Variants in BMAL1 observed in about 807,000 individuals in gnomAD.
BMAL1 encodes basic helix-loop-helix ARNT-like protein 1.
chr11:13,380,221 A>G, the BMAL1 span: 1 of 152,226 alleles, frequency 6.6e-6, no homozygotes, highest in East Asian at 1.9e-4. Flanking sequence ...CTGAGAATAC[A>G]TGATATGTAG....
chr11:13,356,974 C>G, the BMAL1 span: 4 of 1,603,448 alleles, frequency 2.5e-6, no homozygotes, highest in African/African-American at 5.4e-5. Flanking sequence ...CAGGATCAGG[C>G]AGAAGAAAAC....
At chr11:13,279,096 C>CCT in the BMAL1 span, among the ~76,000 whole-genome samples, 1 of 152,222 alleles carries the variant, frequency 6.6e-6, no homozygotes, top group Non-Finnish European at 1.5e-5. Context: ...ACCCCTCTCC[C>CCT]CTCTCCGCCT....
At chr11:13,316,590 C>T in the BMAL1 span, among the ~76,000 whole-genome samples, 1 of 152,174 alleles carries the variant, frequency 6.6e-6, no homozygotes. Flanking sequence ...GAAAACCCTA[C>T]CTAGATTCCA....
the BMAL1 span, among the ~76,000 whole-genome samples, chr11:13,343,914 C>G: frequency 6.6e-6 from 1 of 152,158 alleles, no homozygotes; most frequent in African/African-American, 2.4e-5. Context: ...CTCAACTGAT[C>G]AAGCCCCATA....
chr11:13,297,665 A>C, the BMAL1 span, among the ~76,000 whole-genome samples: 1 of 152,176 alleles, frequency 6.6e-6, no homozygotes, highest in South Asian at 2.1e-4. Context: ...CCCTTTCCCA[A>C]GTGTGCTAGG....
chr11:13,338,815 A>G, the BMAL1 span, among the ~76,000 whole-genome samples: 1 of 152,340 alleles, frequency 6.6e-6, no homozygotes, highest in East Asian at 1.9e-4. Context: ...CGAGGACCAA[A>G]GGAGACACGT....
chr11:13,375,770 C>A, the BMAL1 span: 2 of 1,547,042 alleles, frequency 1.3e-6, no homozygotes, highest in East Asian at 2.4e-5. Context: ...TTTGTAAGTA[C>A]TTTTCCTATA....
At chr11:13,357,180 CCTGT>C in the BMAL1 span, 13 of 1,577,400 alleles carry the variant, frequency 8.2e-6, no homozygotes, top group African/African-American at 1.4e-5. The surrounding 1 kb of genome is among the most constrained non-coding windows in gnomAD (Gnocchi z 4.8). Context: ...CATGTTTGGT[CCTGT>C]CTAAGAGTTC....
the BMAL1 span, among the ~76,000 whole-genome samples, chr11:13,303,186 G>A: frequency 1.3e-5 from 2 of 152,204 alleles, no homozygotes; most frequent in East Asian, 3.9e-4. Flanking sequence ...ACATGGCAGA[G>A]CTGGGCTTAA....
the BMAL1 span, among the ~76,000 whole-genome samples, chr11:13,337,126 T>C: frequency 6.6e-6 from 1 of 152,246 alleles, no homozygotes; most frequent in Non-Finnish European, 1.5e-5. Flanking sequence ...TTGGTTTGTT[T>C]CCTTTCAGTC....
chr11:13,369,849 C>T, the BMAL1 span: 1 of 1,533,630 alleles, frequency 6.5e-7, no homozygotes, highest in Non-Finnish European at 8.8e-7. Context: ...GGCGTTGGTT[C>T]CATGGTTTCT....
the BMAL1 span, among the ~76,000 whole-genome samples, chr11:13,326,220 A>G: frequency 6.6e-6 from 1 of 151,012 alleles, no homozygotes; most frequent in South Asian, 2.1e-4. Flanking sequence ...AAAAAAGAGT[A>G]GAACAAGGAG....
the BMAL1 span, among the ~76,000 whole-genome samples, chr11:13,303,523 C>G: frequency 6.6e-6 from 1 of 152,182 alleles, no homozygotes; most frequent in South Asian, 2.1e-4. Flanking sequence ...AACAAACCCC[C>G]AAATCTCAGT....
At chr11:13,339,069 T>G in the BMAL1 span, among the ~76,000 whole-genome samples, 4 of 152,236 alleles carry the variant, frequency 2.6e-5, no homozygotes, top group Non-Finnish European at 5.9e-5. Context: ...ATGGGGCATG[T>G]ACCTGGCAAG....
the BMAL1 span, chr11:13,353,649 C>T: frequency 1.3e-5 from 2 of 152,206 alleles, no homozygotes; most frequent in Non-Finnish European, 2.9e-5. Context: ...GAAACCCCAT[C>T]TCTACTAAAA....
chr11:13,278,725 C>T, the BMAL1 span, among the ~76,000 whole-genome samples: 1 of 152,220 alleles, frequency 6.6e-6, no homozygotes, highest in Non-Finnish European at 1.5e-5. Context: ...CGCCCGGAGC[C>T]CGGGTGCGGG....
the BMAL1 span, chr11:13,374,229 A>G: frequency 1.3e-6 from 2 of 1,593,416 alleles, no homozygotes; most frequent in Non-Finnish European, 1.7e-6. Flanking sequence ...AAAGATCTTA[A>G]GTTGAAAGTG....
chr11:13,356,144 G>C, the BMAL1 span, among the ~76,000 whole-genome samples: 1 of 152,070 alleles, frequency 6.6e-6, no homozygotes, highest in Non-Finnish European at 1.5e-5. Context: ...GCCCCACTAC[G>C]CCCCTCCATC....
At chr11:13,358,643 A>G in the BMAL1 span, 2 of 1,454,546 alleles carry the variant, frequency 1.4e-6, no homozygotes, top group Non-Finnish European at 1.8e-6. Context: ...AAATGTTACC[A>G]CCCTTGCCTA....
Sources: allele counts gnomAD v4.1 joint callset (sites outside exome capture counted in the v4.1 genomes callset), GRCh38; gene constraint gnomAD v4.1.1; non-coding constraint Gnocchi (gnomAD v3.1); transcripts MANE v1.5; gene names NCBI Gene and HGNC (gene_info 2026-07-23, HGNC 2026-07-21).